TENM3: variants seen among roughly 807,000 people sequenced by gnomAD.
TENM3 encodes teneurin-3.
Under a neutral mutation model 255.1 loss-of-function variants are expected in TENM3, and 63 were observed. That is an observed-to-expected ratio of 0.25 (90% CI 0.20 to 0.30). TENM3 has a LOEUF of 0.30. Ranked by LOEUF, TENM3 falls within the 10% of genes least tolerant of loss-of-function variation. The pLI, the probability that TENM3 is intolerant of heterozygous loss-of-function variation, is 1.00. For missense variants in TENM3, 2,929 were observed against 3,461.1 expected (o/e 0.85, Z 3.86); for synonymous variants, 1,306 against 1,322.3 (o/e 0.99, Z 0.27).
At chr4:182,053,151 G>A in the TENM3 span, among the ~76,000 whole-genome samples, 1 of 151,988 alleles carries the variant, frequency 6.6e-6, no homozygotes, top group African/African-American at 2.4e-5. Context: ...CAGATGAGAT[G>A]CAATACTCCC....
the TENM3 span, among the ~76,000 whole-genome samples, chr4:182,105,797 A>T: frequency 6.6e-6 from 1 of 152,138 alleles, no homozygotes; most frequent in Admixed American, 6.5e-5. Context: ...AGGTGGCCTG[A>T]CTCAAAGCTC....
chr4:182,495,521 G>A (rs548682950), intron 3 of TENM3, among the ~76,000 whole-genome samples: 24 of 152,134 alleles, frequency 1.6e-4, no homozygotes, highest in Admixed American at 1.0e-3. Context: ...AAAAATGACT[G>A]TATGAATGAA....
chr4:182,438,106 T>A (rs1335426456), intron 3 of TENM3, among the ~76,000 whole-genome samples: 2 of 152,184 alleles, frequency 1.3e-5, no homozygotes, highest in Non-Finnish European at 2.9e-5. Flanking sequence ...ACTTAAGAGT[T>A]ACCAAGGTTA....
the TENM3 span, among the ~76,000 whole-genome samples, chr4:182,030,786 G>A: frequency 1.3e-5 from 2 of 152,212 alleles, no homozygotes; most frequent in East Asian, 3.9e-4. Context: ...GTTTTGATAT[G>A]CATTACTCTA....
intron 1 of TENM3, among the ~76,000 whole-genome samples, chr4:182,223,241 C>T (rs116736205): frequency 4.4e-3 from 672 of 152,274 alleles, no homozygotes; most frequent in Non-Finnish European, 5.8e-3. Context: ...TATCTGTCTA[C>T]TCCTACCTCA....
intron 1 of TENM3, among the ~76,000 whole-genome samples, chr4:182,203,696 G>A (rs1214292692): frequency 6.6e-6 from 1 of 152,136 alleles, no homozygotes; most frequent in Non-Finnish European, 1.5e-5. Flanking sequence ...GAGAGTTTTG[G>A]TGGCTGCACT....
chr4:182,624,239 G>A (rs1750606999), intron 4 of TENM3, among the ~76,000 whole-genome samples: 1 of 152,072 alleles, frequency 6.6e-6, no homozygotes, highest in South Asian at 2.1e-4. Context: ...TCTAAATATG[G>A]TTTCTTTCTG....
the TENM3 span, among the ~76,000 whole-genome samples, chr4:182,107,151 TAC>T: frequency 0.2 from 29,242 of 145,714 alleles, 2,923 homozygotes; most frequent in African/African-American, 0.26. Context: ...AAACAGAACA[TAC>T]ACACACACAC....
intron 3 of TENM3, among the ~76,000 whole-genome samples, chr4:182,569,328 G>A (rs1744113744): frequency 6.6e-6 from 1 of 152,126 alleles, no homozygotes; most frequent in Admixed American, 6.5e-5. Context: ...GCCGAGGCAG[G>A]CAGATCACTT....
chr4:182,016,350 A>G, the TENM3 span, among the ~76,000 whole-genome samples: 1 of 152,248 alleles, frequency 6.6e-6, no homozygotes, highest in South Asian at 2.1e-4. Context: ...ACTCTCTCAC[A>G]GGAACACAGT....
the TENM3 span, among the ~76,000 whole-genome samples, chr4:181,791,937 C>T: frequency 1.3e-5 from 2 of 152,148 alleles, no homozygotes; most frequent in African/African-American, 4.8e-5. Flanking sequence ...GGCATGTGTC[C>T]TCCAGGGACA....
chr4:182,668,580 T>C (rs1754927914), intron 6 of TENM3, among the ~76,000 whole-genome samples: 1 of 152,176 alleles, frequency 6.6e-6, no homozygotes. Context: ...GATCTTTTGT[T>C]TTACAAATGA....
intron 3 of TENM3, among the ~76,000 whole-genome samples, chr4:182,373,751 T>A (rs1766998970): frequency 6.6e-6 from 1 of 152,186 alleles, no homozygotes; most frequent in Non-Finnish European, 1.5e-5. Context: ...AAGGGCATAA[T>A]TTCTTGCCTG....
At chr4:181,636,057 G>GT in the TENM3 span, among the ~76,000 whole-genome samples, 27 of 151,798 alleles carry the variant, frequency 1.8e-4, no homozygotes, top group African/African-American at 4.1e-4. Flanking sequence ...TTGTTTTTTG[G>GT]TTTTTTTTGA....
the TENM3 span, among the ~76,000 whole-genome samples, chr4:181,866,610 C>T: frequency 1.3e-5 from 2 of 152,306 alleles, no homozygotes; most frequent in East Asian, 1.9e-4. Context: ...AAGAGAACAA[C>T]GGCCCTGGTG....
the TENM3 span, among the ~76,000 whole-genome samples, chr4:182,051,146 C>T: frequency 1.3e-5 from 2 of 151,706 alleles, no homozygotes; most frequent in African/African-American, 2.4e-5. Flanking sequence ...GAGTTCAACA[C>T]CAGCCTGACC....
chr4:182,204,792 A>G (rs1579706825), intron 1 of TENM3, among the ~76,000 whole-genome samples: 1 of 152,228 alleles, frequency 6.6e-6, no homozygotes, highest in Admixed American at 6.5e-5. Context: ...AAAAAAACCC[A>G]AAAGAAACAA....
At chr4:181,531,064 A>G in the TENM3 span, among the ~76,000 whole-genome samples, 1 of 152,282 alleles carries the variant, frequency 6.6e-6, no homozygotes, top group South Asian at 2.1e-4. Context: ...GACTATTAGC[A>G]TCAATTTTTA....
chr4:182,592,392 G>T (rs1746750637), intron 3 of TENM3, among the ~76,000 whole-genome samples: 1 of 152,142 alleles, frequency 6.6e-6, no homozygotes, highest in Admixed American at 6.5e-5. Flanking sequence ...TTGTACACTT[G>T]GAAGATCCAC....
Sources: gnomAD v4.1 joint callset for allele counts (sites outside exome capture counted in the v4.1 genomes callset) on GRCh38, gnomAD v4.1.1 for gene constraint, MANE v1.5 for transcripts, NCBI Gene and HGNC (gene_info 2026-07-23, HGNC 2026-07-21) for gene names.